NRG1: variants seen among roughly 807,000 people sequenced by gnomAD.
NRG1 encodes the protein neuregulin 1.
In NRG1, 18 loss-of-function variants were observed where a neutral mutation model predicts 63.8. The ratio of observed to expected loss-of-function variants is 0.28; its 90% CI spans 0.19 to 0.42. NRG1 has a LOEUF of 0.42. Ranked by LOEUF, NRG1 falls within the 10% of genes least tolerant of loss-of-function variation. The pLI is 1.00. For missense variants in NRG1, 762 were observed against 814.7 expected (o/e 0.94, Z 0.79); for synonymous variants, 302 against 301.3 (o/e 1.00, Z -0.02).
At chr8:31,959,783 T>TTTA (rs1202031389) in intron 1 of NRG1, among the ~76,000 whole-genome samples, 211 of 118,730 alleles carry the variant, frequency 1.8e-3, no homozygotes, top group South Asian at 8.9e-3. Context: ...CCACCGATTA[T>TTTA]TTATTTATTT....
intron 1 of NRG1, among the ~76,000 whole-genome samples, chr8:32,592,846 A>G (rs901758235): frequency 1.3e-5 from 2 of 152,142 alleles, no homozygotes; most frequent in African/African-American, 4.8e-5. Context: ...GTGGCCAAAA[A>G]TTTAAGTATA....
At chr8:32,001,550 ATT>A (rs1260274969) in intron 1 of NRG1, among the ~76,000 whole-genome samples, 1 of 151,966 alleles carries the variant, frequency 6.6e-6, no homozygotes, top group Non-Finnish European at 1.5e-5. Context: ...GATATCAATT[ATT>A]TTTATCATAA....
At chr8:32,407,244 CTA>C (rs1371492093) in intron 1 of NRG1, among the ~76,000 whole-genome samples, 8 of 135,974 alleles carry the variant, frequency 5.9e-5, no homozygotes, top group South Asian at 2.3e-4. Context: ...TGGTAGAAGA[CTA>C]TATATATATG....
intron 6 of NRG1, 29 bp from the exon 7 acceptor site, chr8:32,741,979 T>G: frequency 6.3e-7 from 1 of 1,595,638 alleles, no homozygotes; most frequent in Non-Finnish European, 8.6e-7. Context: ...TAGCATTTTT[T>G]TTTTGCTTAC....
chr8:32,426,819 A>G (rs1182238634), intron 1 of NRG1, among the ~76,000 whole-genome samples: 1 of 152,256 alleles, frequency 6.6e-6, no homozygotes, highest in Non-Finnish European at 1.5e-5. Context: ...TAATGTCAGT[A>G]CAGCAGAAGC....
At chr8:32,729,748 CAT>C (rs1228353117) in intron 6 of NRG1, among the ~76,000 whole-genome samples, 3 of 152,038 alleles carry the variant, frequency 2.0e-5, no homozygotes, top group East Asian at 1.9e-4. Flanking sequence ...TCTTAAAAAA[CAT>C]ATGTTTTAAA....
At chr8:32,112,032 T>C (rs887159503) in intron 1 of NRG1, among the ~76,000 whole-genome samples, 1 of 152,196 alleles carries the variant, frequency 6.6e-6, no homozygotes, top group African/African-American at 2.4e-5. Flanking sequence ...TGTTTTATTG[T>C]GTGACATGAA....
At position 32,092,461 on chromosome 8, in the gene NRG1, C is replaced by CAAAA. The variant is rs71208167; in HGVS notation, c.37+453045_37+453048dup. On this transcript the variant is annotated intron_variant, in intron 1 of 10. Coordinates refer to the NRG1 transcript ENST00000519301. The stretch of plus-strand genomic sequence containing the variant: ...TGGGTGACAGAGCAAGACCCTGTCT[C>CAAAA]AAAAAAAAAAAAAAAAAAGAAAAAG... Among the ~76,000 whole-genome samples, 40 of 83,644 alleles carry CAAAA rather than the reference C, an allele frequency of 4.8e-4. No homozygotes were observed. The East Asian group carries it at 5.4e-3, about 11-fold the overall frequency. 54.9% of individuals were successfully genotyped at this position (83,644 alleles called of 152,430 possible). A position where few individuals can be genotyped will look rare whatever the true frequency, so the allele number is the denominator to read the frequency against.
chr8:31,840,958 G>T (rs1479673395), intron 1 of NRG1, among the ~76,000 whole-genome samples: 1 of 152,028 alleles, frequency 6.6e-6, no homozygotes, highest in Non-Finnish European at 1.5e-5. Flanking sequence ...CATTCATATT[G>T]CCATGTGTGT....
chr8:31,846,254 T>G (rs1826678381), intron 1 of NRG1, among the ~76,000 whole-genome samples: 1 of 152,224 alleles, frequency 6.6e-6, no homozygotes, highest in African/African-American at 2.4e-5. Flanking sequence ...AATAACTCGA[T>G]GAGGATGCTG....
chr8:31,897,812 C>T (rs992560700), intron 1 of NRG1, among the ~76,000 whole-genome samples: 2 of 150,658 alleles, frequency 1.3e-5, no homozygotes, highest in South Asian at 2.1e-4. Context: ...GTCAGGAGTT[C>T]GAGACAAGCC....
intron 1 of NRG1, among the ~76,000 whole-genome samples, chr8:32,062,004 A>T (rs1823956438): frequency 1.3e-5 from 2 of 152,098 alleles, no homozygotes; most frequent in Admixed American, 1.3e-4. Context: ...CCCAAGAGAA[A>T]GCAAAATTCT....
chr8:32,267,186 A>AGAAG (rs138029737), intron 1 of NRG1, among the ~76,000 whole-genome samples: 2,589 of 149,528 alleles, frequency 0.017, 71 homozygotes, highest in African/African-American at 0.061. Context: ...GGAAGGAGAA[A>AGAAG]GAAGGAAGGA....
At chr8:31,878,409 C>T (rs779541726) in intron 1 of NRG1, among the ~76,000 whole-genome samples, 7 of 151,990 alleles carry the variant, frequency 4.6e-5, no homozygotes, top group Non-Finnish European at 7.4e-5. Flanking sequence ...AAATTATGTA[C>T]GAGTGCAATA....
intron 1 of NRG1, among the ~76,000 whole-genome samples, chr8:31,770,030 A>C (rs1446562024): frequency 6.6e-6 from 1 of 152,104 alleles, no homozygotes; most frequent in Non-Finnish European, 1.5e-5. Flanking sequence ...TGTGGAAAGG[A>C]GAGAAAGTCA....
At chr8:31,968,397 A>T (rs1480687196) in intron 1 of NRG1, among the ~76,000 whole-genome samples, 1 of 152,172 alleles carries the variant, frequency 6.6e-6, no homozygotes, top group Non-Finnish European at 1.5e-5. Context: ...ACCCTTTGCA[A>T]ATAGGTACTC....
intron 1 of NRG1, chr8:32,061,959 C>T (rs1161350112): frequency 6.6e-6 from 1 of 151,898 alleles, no homozygotes; most frequent in Non-Finnish European, 1.5e-5. Flanking sequence ...AACAGAGTTC[C>T]TAGAAAATTA....
chr8:32,600,539 A>G (rs1370601301), intron 2 of NRG1, among the ~76,000 whole-genome samples: 2 of 152,186 alleles, frequency 1.3e-5, no homozygotes, highest in African/African-American at 4.8e-5. Flanking sequence ...GCACACAGTA[A>G]AAAACACAGT....
At chr8:32,267,033 A>T (rs1162168392) in intron 1 of NRG1, among the ~76,000 whole-genome samples, 1 of 151,734 alleles carries the variant, frequency 6.6e-6, no homozygotes, top group East Asian at 1.9e-4. Context: ...TGGGTGACAG[A>T]GCCAGACTCC....
Sources: gnomAD v4.1 joint callset for allele counts (sites outside exome capture counted in the v4.1 genomes callset) on GRCh38, gnomAD v4.1.1 for gene constraint, MANE v1.5 for transcripts, NCBI Gene and HGNC (gene_info 2026-07-23, HGNC 2026-07-21) for gene names.